Variants in IQGAP3 observed in about 807,000 individuals in gnomAD.
IQGAP3 encodes ras GTPase-activating-like protein IQGAP3.
Under a neutral mutation model 208.2 loss-of-function variants are expected in IQGAP3, and 165 were observed. The ratio of observed to expected loss-of-function variants is 0.79; its 90% CI spans 0.70 to 0.90. IQGAP3 has a LOEUF of 0.90. Ranked by LOEUF, IQGAP3 falls within the 40% of genes least tolerant of loss-of-function variation. The pLI is 0.00. For missense variants in IQGAP3, 1,811 were observed against 2,043.1 expected, an observed-to-expected ratio of 0.89 and a Z score of 2.19; for synonymous variants, 703 against 803.6, an observed-to-expected ratio of 0.87 and a Z score of 2.12.
At chr1:156,539,754 G>T in intron 24 of IQGAP3, 84 bp downstream of exon 24, 1 of 1,495,322 alleles carries the variant, frequency 6.7e-7, no homozygotes, top group Non-Finnish European at 9.3e-7. Flanking sequence ...CTTGCATGGT[G>T]CCAAACGCAC....
chr1:156,568,479 A>T (rs1571369164), intron 2 of IQGAP3, among the ~76,000 whole-genome samples: 1 of 152,230 alleles, frequency 6.6e-6, no homozygotes, highest in Non-Finnish European at 1.5e-5. Context: ...GGCCTCCCAA[A>T]GTGCTGGGAT....
intron 2 of IQGAP3, among the ~76,000 whole-genome samples, chr1:156,566,804 G>A (rs112618267): frequency 0.045 from 6,823 of 150,332 alleles, 204 homozygotes; most frequent in South Asian, 0.086. Flanking sequence ...TCCTGAACCT[G>A]CCCATCTTCA....
In IQGAP3 at chr1:156,537,298, G is replaced by A. The variant is rs780842801; in HGVS notation, c.3305C>T (p.Pro1102Leu). 1.9e-5 allele frequency: 30 copies of A among 1,613,584 alleles called. No individual in the cohort carries two copies. Among genetic ancestry groups the A allele is most frequent in the Non-Finnish European group, 2.3e-5 (27 of 1,179,824 alleles). The change falls in exon 27 of 38, where the codon CCG (proline) becomes CTG (leucine). Residue 1102 changes from proline to leucine, a missense_variant. Physicochemically the swap from Pro to Leu is moderately conservative, Grantham distance 98. Transcript: ENST00000361170. ...QRSHLPYDVT[P>L]EQALSHPEVQ... ...CTCGGGGTGGCTCAAGGCCTGCTCC[G>A]GGGTGACATCATATGGGAGATGGCT...
intron 15 of IQGAP3, among the ~76,000 whole-genome samples, chr1:156,551,355 T>C (rs367652143): frequency 3.3e-5 from 5 of 152,244 alleles, no homozygotes; most frequent in South Asian, 4.2e-4. Flanking sequence ...ATTCATTTGA[T>C]TTTCACCCTC....
chr1:156,556,263 T>C (rs1675816760), intron 12 of IQGAP3, among the ~76,000 whole-genome samples: 1 of 152,232 alleles, frequency 6.6e-6, no homozygotes, highest in South Asian at 2.1e-4. Context: ...GCAAGTGACT[T>C]AACTCTGCAT....
intron 7 of IQGAP3, 74 bp downstream of exon 7, chr1:156,563,479 C>A: frequency 7.2e-7 from 1 of 1,397,254 alleles, no homozygotes; most frequent in East Asian, 2.5e-5. Context: ...CAGAACCCAT[C>A]CAATGGCTGT....
chr1:156,570,110 C>A (rs1676582064), intron 1 of IQGAP3, among the ~76,000 whole-genome samples: 1 of 152,178 alleles, frequency 6.6e-6, no homozygotes, highest in Non-Finnish European at 1.5e-5. Context: ...AAGAACTGGA[C>A]CTGTGTCATC....
chr1:156,564,624 T>C lies in IQGAP3; in HGVS notation c.428A>G (p.His143Arg), dbSNP rs1428257441. The C allele has an allele frequency of 4.9e-5, 79 of 1,612,094 alleles. No homozygotes were observed. The highest frequency in any genetic ancestry group is 6.6e-5 in the Non-Finnish European group (78 of 1,178,162). ...KNMPRVVYCI[H>R]ALSLFLFRLG... ...ATTTGAGGTCTCTCACCTGAGAGCA[T>C]GGATGCAGTAGACTACCCGGGGCAT... The change falls in exon 5 of 38, where the codon CAT becomes CGT. Residue 143 changes from histidine (H) to arginine (R), a missense_variant. Transcript: ENST00000361170.
At chr1:156,537,415 G>T (rs991822784) in intron 26 of IQGAP3, 94 bp from the exon 27 acceptor site, 5 of 1,246,342 alleles carry the variant, frequency 4.0e-6, no homozygotes, top group Non-Finnish European at 4.4e-6. Flanking sequence ...CTAACAACAA[G>T]ATCTCATACA....
intron 2 of IQGAP3, 129 bp downstream of exon 2, chr1:156,569,247 G>T: frequency 1.7e-6 from 1 of 598,118 alleles, no homozygotes; most frequent in Non-Finnish European, 3.0e-6. Flanking sequence ...AAATTAAAAA[G>T]CTATTTCAAC....
chr1:156,554,548 C>G (rs1675734142), intron 12 of IQGAP3, among the ~76,000 whole-genome samples, 156 bp from the exon 13 acceptor site: 2 of 152,352 alleles, frequency 1.3e-5, no homozygotes, highest in South Asian at 4.1e-4. Context: ...TACAAAACAC[C>G]TGATAATACT....
At chr1:156,564,488 C>G in intron 5 of IQGAP3, 127 bp downstream of exon 5, 1 of 725,772 alleles carries the variant, frequency 1.4e-6, no homozygotes, top group Non-Finnish European at 2.5e-6. Flanking sequence ...AATCTGAAAC[C>G]TCACTCTCCT....
At chr1:156,544,586 A>G in intron 19 of IQGAP3, 114 bp from the exon 20 acceptor site, 1 of 839,070 alleles carries the variant, frequency 1.2e-6, no homozygotes. Flanking sequence ...GCAGTTAAAT[A>G]GAGGGGGAAG....
At chr1:156,542,713 GT>G (rs1675045067) in intron 22 of IQGAP3, among the ~76,000 whole-genome samples, 1 of 152,208 alleles carries the variant, frequency 6.6e-6, no homozygotes, top group Non-Finnish European at 1.5e-5. Flanking sequence ...GCCAAGGTGA[GT>G]GGATCACTTG....
intron 1 of IQGAP3, among the ~76,000 whole-genome samples, chr1:156,569,766 G>A (rs1257620375): frequency 2.0e-5 from 3 of 151,958 alleles, no homozygotes; most frequent in Admixed American, 6.6e-5. Flanking sequence ...TGATCCGCCC[G>A]CCTTGGCCTC....
At position 156,548,459 on chromosome 1, in the gene IQGAP3, G is replaced by A; in HGVS notation, c.2022C>T (p.Asp674=). Residue 674 remains aspartate (D), a synonymous_variant, in exon 18 of 38, where the codon GAC becomes GAT. Coordinates refer to ENST00000361170, the MANE Select transcript of IQGAP3 (RefSeq NM_178229.5). ...PADTAFWVQH[D]MKDGTAYYFH... ...AGTAGTAGGCAGTGCCATCCTTCAT[G>A]TCATGTTGAACCCAGAAAGCTGTGT... 6.2e-7 allele frequency: 1 copy of A among 1,613,872 alleles called. No individual in the cohort carries two copies. Among genetic ancestry groups the A allele is most frequent in the Non-Finnish European group, 8.5e-7 (1 of 1,179,948 alleles).
intron 23 of IQGAP3, 101 bp downstream of exon 23, chr1:156,540,607 C>T (rs1674929255): frequency 1.8e-6 from 2 of 1,088,248 alleles, no homozygotes; most frequent in African/African-American, 1.6e-5. Context: ...ACAAAATCCA[C>T]AACATTTTGA....
intron 2 of IQGAP3, among the ~76,000 whole-genome samples, chr1:156,567,164 G>A (rs916875729): frequency 6.6e-6 from 1 of 152,180 alleles, no homozygotes; most frequent in African/African-American, 2.4e-5. Context: ...ACCGCGCCCG[G>A]CCCTAGTTAC....
At chr1:156,533,180 CAT>C (rs1674505821) in intron 31 of IQGAP3, 74 bp from the exon 32 acceptor site, 7 of 1,545,370 alleles carry the variant, frequency 4.5e-6, no homozygotes, top group Admixed American at 1.7e-5. Context: ...CACACACACA[CAT>C]GCACCGATGG....
Sources: gnomAD v4.1 joint callset for allele counts (sites outside exome capture counted in the v4.1 genomes callset) on GRCh38, gnomAD v4.1.1 for gene constraint, MANE v1.5 for transcripts, NCBI Gene and HGNC (gene_info 2026-07-23, HGNC 2026-07-21) for gene names.